The following IL1RAPL1 variants were observed in gnomAD, a reference collection of about 807,000 sequenced individuals.
IL1RAPL1 encodes the protein interleukin 1 receptor accessory protein like 1, also known as interleukin-1 receptor accessory protein-like 1.
IL1RAPL1 carries 3 observed loss-of-function variants against 48.4 expected under a neutral mutation model. That is an observed-to-expected ratio of 0.06 (90% confidence interval 0.03 to 0.16). IL1RAPL1 has a LOEUF of 0.16. Among genes scored for constraint, IL1RAPL1 ranks in the 10% least tolerant of loss-of-function variants. The pLI is 1.00. For synonymous variants in IL1RAPL1, 185 were observed against 187.7 expected (o/e 0.99, Z 0.12); for missense variants, 349 against 530.6 (o/e 0.66, Z 3.36).
intron 8 of IL1RAPL1, among the ~76,000 whole-genome samples, chrX:29,937,659 C>G (rs1933054504): frequency 8.9e-6 from 1 of 111,733 alleles, no homozygotes; most frequent in Non-Finnish European, 1.9e-5. Context: ...GTATATTACA[C>G]TCCTGCATAG....
chrX:28,651,530 T>G (rs774376437), intron 1 of IL1RAPL1, among the ~76,000 whole-genome samples: 52 of 112,411 alleles, frequency 4.6e-4, no homozygotes, highest in African/African-American at 1.6e-3. Context: ...ACCCCCAACA[T>G]TTGATTTTTG....
At chrX:29,941,219 G>T (rs1010597302) in intron 8 of IL1RAPL1, among the ~76,000 whole-genome samples, 1 of 112,018 alleles carries the variant, frequency 8.9e-6, no homozygotes, top group Admixed American at 9.4e-5. Context: ...AGTCATCCTG[G>T]CTTAAAAGCT....
Position 28,659,325 on chromosome X carries a change from G to C in IL1RAPL1, c.-25+71278G>C, listed in dbSNP as rs1430398296. On this transcript the variant is annotated intron_variant, in intron 1 of 10. Transcript: ENST00000378993. ...GACTTCTGATGACTAATTTCACGAA[G>C]TGCCACAGTACCAGGCCTGTAACGA... 7.2e-6 allele frequency: 4 copies of C among 551,884 alleles called. No homozygotes were observed. In the Admixed American group the frequency reaches 9.2e-5, roughly 13 times the overall value. The allele number at this position is 551,884 out of a possible 1,213,427, so 45.5% of individuals were successfully genotyped here. A position where few individuals can be genotyped will look rare whatever the true frequency, so the allele number is the denominator to read the frequency against.
At chrX:28,902,222 A>G (rs1439510889) in intron 2 of IL1RAPL1, among the ~76,000 whole-genome samples, 15 of 107,498 alleles carry the variant, frequency 1.4e-4, no homozygotes, top group Non-Finnish European at 2.7e-4. Context: ...CCCAGGCTGG[A>G]GTACAGTGGC....
At chrX:29,069,420 A>G (rs1452998234) in intron 2 of IL1RAPL1, among the ~76,000 whole-genome samples, 1 of 111,395 alleles carries the variant, frequency 9.0e-6, no homozygotes, top group Non-Finnish European at 1.9e-5. Context: ...AAAGGACTGT[A>G]ATGGGAAAAA....
Position 29,461,647 on chromosome X carries a change from T to C in IL1RAPL1, c.703+62339T>C, listed in dbSNP as rs186438203. Among the ~76,000 whole-genome samples the C allele has an allele frequency of 2.1e-4, 23 of 111,593 alleles. No homozygotes were observed. The East Asian group carries it at 5.6e-3, about 27-fold the overall frequency. On this transcript the variant is annotated intron_variant, in intron 5 of 10. Transcript: ENST00000378993. ...AACTAGTGAATAGATAAACAAAATA[T>C]GATATAGGCATACAATGGCATGCTA...
intron 2 of IL1RAPL1, among the ~76,000 whole-genome samples, chrX:29,211,980 C>T (rs1350567493): frequency 9.0e-6 from 1 of 110,629 alleles, no homozygotes; most frequent in Non-Finnish European, 1.9e-5. Flanking sequence ...TGGCTCAAAG[C>T]CTTCTACTCA....
At chrX:29,871,605 A>G (rs1440262130) in intron 6 of IL1RAPL1, among the ~76,000 whole-genome samples, 3 of 112,599 alleles carry the variant, frequency 2.7e-5, no homozygotes, top group African/African-American at 9.7e-5. Flanking sequence ...CCATCTAGAC[A>G]TTAGAAGGGA....
intron 2 of IL1RAPL1, among the ~76,000 whole-genome samples, chrX:28,839,903 CAAGT>C (rs1477653794): frequency 9.1e-6 from 1 of 110,056 alleles, no homozygotes; most frequent in Non-Finnish European, 1.9e-5. Context: ...CAGAAAAGAA[CAAGT>C]AAGTAAAGTG....
At chrX:29,694,753 C>T (rs1389964169) in intron 6 of IL1RAPL1, among the ~76,000 whole-genome samples, 1 of 111,537 alleles carries the variant, frequency 9.0e-6, no homozygotes, top group East Asian at 2.8e-4. Flanking sequence ...GTTCTAGCCC[C>T]GTGACCTAAT....
intron 6 of IL1RAPL1, among the ~76,000 whole-genome samples, chrX:29,679,424 T>C (rs1400548562): frequency 8.9e-6 from 1 of 111,888 alleles, no homozygotes; most frequent in African/African-American, 3.2e-5. Context: ...GTACCTGTTT[T>C]TGACTGAAAT....
intron 2 of IL1RAPL1, among the ~76,000 whole-genome samples, chrX:29,011,434 A>T (rs1006374801): frequency 3.6e-5 from 4 of 112,463 alleles, no homozygotes; most frequent in Non-Finnish European, 7.5e-5. Flanking sequence ...ATGGAATATA[A>T]CTCAGTAATA....
At chrX:29,778,968 A>G (rs1426330349) in intron 6 of IL1RAPL1, among the ~76,000 whole-genome samples, 2 of 111,527 alleles carry the variant, frequency 1.8e-5, no homozygotes, top group African/African-American at 6.5e-5. Flanking sequence ...GTCTTTTTAA[A>G]ATGCAAATTT....
At chrX:29,246,423 A>G (rs769394045) in intron 2 of IL1RAPL1, among the ~76,000 whole-genome samples, 1 of 109,932 alleles carries the variant, frequency 9.1e-6, no homozygotes, top group South Asian at 3.9e-4. Context: ...TCATCCTTCT[A>G]GTCATGACTT....
At chrX:29,402,899 G>A (rs1292967238) in intron 5 of IL1RAPL1, among the ~76,000 whole-genome samples, 1 of 111,202 alleles carries the variant, frequency 9.0e-6, no homozygotes, top group East Asian at 2.8e-4. Context: ...TAGGTCCTTG[G>A]AAGAAAAAAC....
intron 6 of IL1RAPL1, among the ~76,000 whole-genome samples, chrX:29,752,560 C>T (rs142618677): frequency 0.026 from 2,855 of 108,756 alleles, 100 homozygotes; most frequent in African/African-American, 0.092. Flanking sequence ...TCATCAAATC[C>T]ACTTCCTTAA....
At chrX:29,274,692 GCTGTATAAACAC>G (rs1295851145) in intron 2 of IL1RAPL1, among the ~76,000 whole-genome samples, 2 of 112,129 alleles carry the variant, frequency 1.8e-5, no homozygotes, top group Non-Finnish European at 3.8e-5. Context: ...ATAACGTTCT[GCTGTATAAACAC>G]CTGTAATGAA....
At chrX:28,992,502 G>GAAAAAAAAAAAA (rs60650174) in intron 2 of IL1RAPL1, among the ~76,000 whole-genome samples, 1 of 49,603 alleles carries the variant, frequency 2.0e-5, no homozygotes. Flanking sequence ...AAAAAAAAAA[G>GAAAAAAAAAAAA]AAAAAAAAAA....
At chrX:29,932,286 T>C (rs776976406) in intron 8 of IL1RAPL1, among the ~76,000 whole-genome samples, 3 of 112,494 alleles carry the variant, frequency 2.7e-5, no homozygotes, top group African/African-American at 9.7e-5. Context: ...AATAAAGCTC[T>C]GTCTGTGTTA....
Sources: gnomAD v4.1 joint callset for allele counts (sites outside exome capture counted in the v4.1 genomes callset) on GRCh38, gnomAD v4.1.1 for gene constraint, MANE v1.5 for transcripts, NCBI Gene and HGNC (gene_info 2026-07-23, HGNC 2026-07-21) for gene names.